The following CHD1L variants were observed in gnomAD, a reference collection of about 807,000 sequenced individuals.
CHD1L encodes ATP-dependent chromatin remodeler CHD1L.
In CHD1L, 118 loss-of-function variants were observed where a neutral mutation model predicts 115.9. The observed-to-expected ratio is 1.02, with a 90% CI of 0.88 to 1.19. The LOEUF (loss-of-function observed/expected upper bound fraction) is 1.19. Among genes scored for constraint, CHD1L ranks in the 50% most tolerant of loss-of-function variants. The probability of loss-of-function intolerance (pLI) is 0.00; values close to 1 mark genes in which losing one functional copy is unlikely to be tolerated. For missense variants in CHD1L, 1,179 were observed against 1,065.3 expected, an observed-to-expected ratio of 1.11 and a Z score of -1.49; for synonymous variants, 411 against 387.1, an observed-to-expected ratio of 1.06 and a Z score of -0.72.
chr1:147,179,378 A>C, the CHD1L span: 1 of 1,599,234 alleles, frequency 6.3e-7, no homozygotes, highest in East Asian at 2.2e-5. Flanking sequence ...CTTGGCGAGA[A>C]GCTCAGCAAA....
chr1:147,255,724 T>A, intron 3 of CHD1L, 89 bp from the exon 4 acceptor site: 1 of 858,368 alleles, frequency 1.2e-6, no homozygotes, highest in Non-Finnish European at 1.8e-6. Context: ...TACATTGCAA[T>A]CCTCCCATGA....
At chr1:147,178,983 C>A in the CHD1L span, 2 of 1,613,592 alleles carry the variant, frequency 1.2e-6, no homozygotes. Flanking sequence ...CAAAGAAATT[C>A]CTGGATGCTG....
At chr1:147,194,684 C>T in the CHD1L span, among the ~76,000 whole-genome samples, 4 of 152,040 alleles carry the variant, frequency 2.6e-5, no homozygotes, top group Admixed American at 1.3e-4. Flanking sequence ...CCTTCAGGAG[C>T]TCTTTTAGAG....
chr1:147,285,896 C>T (rs1370781780), intron 17 of CHD1L, among the ~76,000 whole-genome samples: 1 of 152,056 alleles, frequency 6.6e-6, no homozygotes, highest in African/African-American at 2.4e-5. Context: ...CAGAGTTTCA[C>T]GGTGTTGCCT....
At chr1:147,273,447 C>A (rs901156788) in intron 12 of CHD1L, among the ~76,000 whole-genome samples, 1 of 151,768 alleles carries the variant, frequency 6.6e-6, no homozygotes, top group African/African-American at 2.4e-5. Flanking sequence ...ATTATTTCAC[C>A]TGTGTTTGTT....
At chr1:147,249,404 A>ATTTTTTTTTTTTTTTTTTTTTTTTTT (rs59773572) in intron 1 of CHD1L, among the ~76,000 whole-genome samples, 1 of 94,174 alleles carries the variant, frequency 1.1e-5, no homozygotes, top group Admixed American at 1.6e-4. Context: ...CTTGGTGTGT[A>ATTTTTTTTTTTTTTTTTTTTTTTTTT]TTTTTTTTTT....
chr1:147,252,619 C>G lies in CHD1L; in HGVS notation c.128-4C>G, dbSNP rs782664811. Reference sequence around the variant, plus strand: ...TTCGGATTTGCTGTATTTTTTGTTTCTAGGGATTCACCTACGCTCTTACCA... The same window carrying G: ...TTCGGATTTGCTGTATTTTTTGTTTGTAGGGATTCACCTACGCTCTTACCA... On this transcript the variant is annotated splice_region_variant and splice_polypyrimidine_tract_variant and intron_variant, in intron 1 of 22. Transcript: ENST00000369258. 6 of 1,611,282 alleles carry G rather than the reference C, an allele frequency of 3.7e-6. No individual in the cohort carries two copies. Among genetic ancestry groups the G allele is most frequent in the Non-Finnish European group, 4.2e-6 (5 of 1,178,430 alleles).
chr1:147,254,894 G>A lies in CHD1L; in HGVS notation c.265G>A (p.Ala89Thr). 3 of 1,605,224 alleles carry A rather than the reference G, an allele frequency of 1.9e-6. No individual in the cohort carries two copies. Among genetic ancestry groups the A allele is most frequent in the Non-Finnish European group, 2.5e-6 (3 of 1,177,194 alleles). ...GACTATTGCTCTCTTCATTTATTTG[G>A]CAGGAAGATTAAATGATGAAGGGCC... ...CQTIALFIYL[A>T]GRLNDEGPFL... Residue 89 changes from alanine (A) to threonine (T), a missense_variant, in exon 3 of 23, where the codon GCA (alanine) becomes ACA (threonine). Ala to Thr is a moderately conservative substitution (Grantham distance 58). Transcript: ENST00000369258.
At chr1:147,215,451 C>A in the CHD1L span, 1 of 275,074 alleles carries the variant, frequency 3.6e-6, no homozygotes, top group Non-Finnish European at 6.8e-6. Flanking sequence ...CAGTTCCCTT[C>A]TGTAATGGGG....
chr1:147,273,155 A>G (rs977261250), intron 12 of CHD1L, among the ~76,000 whole-genome samples: 1 of 152,184 alleles, frequency 6.6e-6, no homozygotes, highest in Non-Finnish European at 1.5e-5. Context: ...GTGAGCCAAG[A>G]TTGCACCACT....
the CHD1L span, chr1:147,186,138 T>C: frequency 5.0e-3 from 827 of 166,354 alleles, 3 homozygotes; most frequent in African/African-American, 0.019. Context: ...TGGATCCTAA[T>C]ATGGGAAGGA....
At chr1:147,201,610 T>C in the CHD1L span, 1 of 758,468 alleles carries the variant, frequency 1.3e-6, no homozygotes, top group Non-Finnish European at 2.2e-6. Flanking sequence ...CCAATAATCT[T>C]CCCCTTGGTC....
At chr1:147,233,394 G>A in the CHD1L span, among the ~76,000 whole-genome samples, 12,459 of 71,430 alleles carry the variant, frequency 0.17, 688 homozygotes, top group African/African-American at 0.36. Context: ...CCCCCCGCCC[G>A]GCCAGCCGCC....
At chr1:147,187,957 GA>G in the CHD1L span, among the ~76,000 whole-genome samples, 2 of 152,136 alleles carry the variant, frequency 1.3e-5, no homozygotes, top group South Asian at 4.1e-4. Flanking sequence ...GAGAGGAAGA[GA>G]AAAGCCAAGT....
chr1:147,229,422 T>C, the CHD1L span, among the ~76,000 whole-genome samples: 3 of 152,180 alleles, frequency 2.0e-5, no homozygotes, highest in Non-Finnish European at 2.9e-5. Context: ...CCTTGTAGTA[T>C]AGTTTGAAGT....
the CHD1L span, among the ~76,000 whole-genome samples, chr1:147,183,206 A>T: frequency 5.6e-3 from 846 of 152,298 alleles, 9 homozygotes; most frequent in African/African-American, 0.02. Flanking sequence ...TCAAAAAAAA[A>T]GATAACATAC....
the CHD1L span, chr1:147,215,681 G>T: frequency 2.7e-6 from 3 of 1,100,022 alleles, no homozygotes; most frequent in Non-Finnish European, 4.0e-6. Flanking sequence ...AGTAAACATT[G>T]GTAACTGAAA....
the CHD1L span, among the ~76,000 whole-genome samples, chr1:147,199,585 G>C: frequency 5.6e-4 from 85 of 152,268 alleles, no homozygotes; most frequent in Admixed American, 1.7e-3. Flanking sequence ...TTGGAAAAGA[G>C]TCCCAGTTGC....
chr1:147,268,948 T>C, intron 10 of CHD1L, 70 bp downstream of exon 10: 2 of 1,251,856 alleles, frequency 1.6e-6, no homozygotes, highest in African/African-American at 3.1e-5. Context: ...AGGAACTCAC[T>C]GAGTTGTTCA....
Sources: gnomAD v4.1 joint callset for allele counts (sites outside exome capture counted in the v4.1 genomes callset) on GRCh38, gnomAD v4.1.1 for gene constraint, MANE v1.5 for transcripts, NCBI Gene and HGNC (gene_info 2026-07-23, HGNC 2026-07-21) for gene names.